The following TMEM184B variants were observed in gnomAD, a reference collection of about 807,000 sequenced individuals.
TMEM184B encodes transmembrane protein 184B, also known as putative MAPK-activating protein FM08.
A neutral mutation model predicts 41.8 loss-of-function variants in TMEM184B; 17 were observed. The observed-to-expected ratio is 0.41, with a 90% CI of 0.28 to 0.61. TMEM184B has a LOEUF of 0.61. Ranked by LOEUF, TMEM184B falls within the 20% of genes least tolerant of loss-of-function variation. The probability of loss-of-function intolerance (pLI) is 0.34; values close to 1 mark genes in which losing one functional copy is unlikely to be tolerated. For synonymous variants in TMEM184B, 240 were observed against 229.5 expected (o/e 1.05, Z -0.41); for missense variants, 393 against 557.8 (o/e 0.70, Z 2.98).
At position 38,221,279 on chromosome 22, in the gene TMEM184B, C is replaced by T. The variant is rs1200683131; in HGVS notation, c.*190G>A. The T allele has an allele frequency of 7.0e-7, 1 of 1,429,030 alleles. No homozygotes were observed. The highest frequency in any genetic ancestry group is 2.5e-5 in the East Asian group (1 of 39,542). 88.5% of individuals were successfully genotyped at this position (1,429,030 alleles called of 1,614,324 possible). On this transcript the variant is annotated 3_prime_UTR_variant, in exon 9 of 9. Coordinates refer to ENST00000361906, the MANE Select transcript of TMEM184B (RefSeq NM_012264.5). ...GCAGGCTGGGCCATGTATAAATATT[C>T]CTGAAGGCCCATGGGCGAGCCTGGC...
rs1381484424 is a variant in TMEM184B, at chr22:38,239,251, TA to T, written c.358+6683del. On this transcript the variant is annotated intron_variant, in intron 3 of 8. Coordinates refer to ENST00000361906, the MANE Select transcript of TMEM184B (RefSeq NM_012264.5). This position sits in a 1 kb window ranked among gnomAD's most constrained non-coding sequence, Gnocchi z 4.6. ...AGCCCTCGCAGATGGTACGTGGCAC[TA>T]AGCCCTCTTCCAAGACTCAGCCCTC... 6.6e-6 allele frequency among the ~76,000 whole-genome samples: 1 copy of T among 152,142 alleles called. No individual in the cohort carries two copies. Among genetic ancestry groups the T allele is most frequent in the African/African-American group, 2.4e-5 (1 of 41,422 alleles).
At chr22:38,258,428 G>C (rs897511501) in intron 1 of TMEM184B, among the ~76,000 whole-genome samples, 1 of 151,528 alleles carries the variant, frequency 6.6e-6, no homozygotes, top group African/African-American at 2.4e-5. Context: ...AGCCTTCCTA[G>C]TAGCTGGGAT....
At position 38,219,925 on chromosome 22, in the gene TMEM184B, AG is replaced by A. The variant is rs933963698; in HGVS notation, c.*1543del. On this transcript the variant is annotated 3_prime_UTR_variant, in exon 9 of 9. Coordinates refer to ENST00000361906, the MANE Select transcript of TMEM184B (RefSeq NM_012264.5). ...CTGCCACGAGGAAAGGAAGGAGGCC[AG>A]GAAGACGGCTGGGCCCCAACTCTCC... 18 of 985,308 alleles carry A rather than the reference AG, an allele frequency of 1.8e-5. No homozygotes were observed. Among genetic ancestry groups the A allele is most frequent in the Middle Eastern group, 5.2e-4 (1 of 1,916 alleles). 61.0% of individuals were successfully genotyped at this position (985,308 alleles called of 1,614,324 possible). A position where few individuals can be genotyped will look rare whatever the true frequency, so the allele number is the denominator to read the frequency against.
intron 1 of TMEM184B, among the ~76,000 whole-genome samples, chr22:38,258,302 T>G (rs967475926): frequency 1.5e-5 from 2 of 136,178 alleles, no homozygotes; most frequent in Non-Finnish European, 3.2e-5. Flanking sequence ...TTTTCCAAAT[T>G]TTTTTTTTTT....
intron 1 of TMEM184B, 25 bp downstream of exon 1, chr22:38,272,859 G>C (rs910669372): frequency 2.8e-5 from 27 of 950,838 alleles, no homozygotes; most frequent in Non-Finnish European, 3.4e-5. Context: ...TGGGGCTCCC[G>C]GGCGAGGCCG....
At chr22:38,272,650 G>A (rs1299695623) in intron 1 of TMEM184B, 3 of 985,438 alleles carry the variant, frequency 3.0e-6, no homozygotes, top group Non-Finnish European at 3.6e-6. Flanking sequence ...GCGTGGAAAG[G>A]GAGCGGGCAC....
chr22:38,238,266 C>T (rs1345379287), intron 3 of TMEM184B, among the ~76,000 whole-genome samples: 19 of 145,010 alleles, frequency 1.3e-4, no homozygotes, highest in African/African-American at 4.4e-4. Context: ...CTCTCGCTGT[C>T]GCAGGCCGGA....
chr22:38,232,515 C>T (rs1158696536), intron 3 of TMEM184B, among the ~76,000 whole-genome samples: 1 of 152,040 alleles, frequency 6.6e-6, no homozygotes, highest in Non-Finnish European at 1.5e-5. Context: ...AATGAAAGAA[C>T]GCAAGAGGAA....
At chr22:38,265,827 G>A (rs983910807) in intron 1 of TMEM184B, among the ~76,000 whole-genome samples, 3 of 152,200 alleles carry the variant, frequency 2.0e-5, no homozygotes, top group Non-Finnish European at 4.4e-5. Flanking sequence ...CTAGAGGTGG[G>A]GACCAGGAGG....
rs1472863975 is a variant in TMEM184B at position 38,230,664 on chromosome 22, C to T, written c.525+5G>A. On this transcript the variant is annotated splice_donor_5th_base_variant and intron_variant, in intron 5 of 8. Coordinates refer to ENST00000361906, the MANE Select transcript of TMEM184B (RefSeq NM_012264.5). Reference sequence around the variant, plus strand: ...CTGAGCTAGGCAGCTGCTGGGGGCACACACCTGTTTGCAGAACCTCAGAAA... The same window carrying T: ...CTGAGCTAGGCAGCTGCTGGGGGCATACACCTGTTTGCAGAACCTCAGAAA... 1 of 1,608,910 alleles carries T rather than the reference C, an allele frequency of 6.2e-7. No individual in the cohort carries two copies. The highest frequency in any genetic ancestry group is 1.3e-5 in the African/African-American group (1 of 74,996).
At chr22:38,258,809 AGAAGAACCTTT>A (rs1430658494) in intron 1 of TMEM184B, among the ~76,000 whole-genome samples, 1 of 152,178 alleles carries the variant, frequency 6.6e-6, no homozygotes, top group Non-Finnish European at 1.5e-5. Context: ...CTGCAGACTT[AGAAGAACCTTT>A]GGGATTTCTG....
intron 5 of TMEM184B, among the ~76,000 whole-genome samples, chr22:38,228,925 C>T (rs1043943080): frequency 2.6e-5 from 4 of 152,222 alleles, no homozygotes; most frequent in Admixed American, 2.0e-4. Flanking sequence ...CTGGCCGGAA[C>T]CTGGGTGGCT....
chr22:38,267,896 C>T (rs962905803), intron 1 of TMEM184B, among the ~76,000 whole-genome samples: 1 of 152,168 alleles, frequency 6.6e-6, no homozygotes, highest in Non-Finnish European at 1.5e-5. Context: ...AAGTCACCAA[C>T]CAGAAGCCAC....
intron 1 of TMEM184B, 143 bp downstream of exon 1, chr22:38,272,741 T>A: frequency 2.0e-6 from 2 of 985,116 alleles, no homozygotes; most frequent in Non-Finnish European, 2.4e-6. Flanking sequence ...CGCACCGGCC[T>A]CCGTAGTGCC....
At chr22:38,217,830 C>A (rs1462800182), downstream of TMEM184B, among the ~76,000 whole-genome samples, 101 of 87,762 alleles carry the variant, frequency 1.2e-3, no homozygotes, top group Middle Eastern at 5.9e-3. Flanking sequence ...GACTCCATCT[C>A]AAAAAAAAAA....
rs1185275661 is a variant in TMEM184B, at chr22:38,272,983, C to T, written c.-158G>A. 4.6e-6 allele frequency: 1 copy of T among 219,168 alleles called. No individual in the cohort carries two copies. Among genetic ancestry groups the T allele is most frequent in the Non-Finnish European group, 7.7e-6 (1 of 130,270 alleles). 13.6% of individuals were successfully genotyped at this position (219,168 alleles called of 1,614,324 possible). On this transcript the variant is annotated 5_prime_UTR_variant, in exon 1 of 9. Coordinates refer to ENST00000361906, the MANE Select transcript of TMEM184B (RefSeq NM_012264.5). ...GCCGCAGCCCCGGAGTCTCCGCCGC[C>T]GCCGGCGCGTCCCGGGCCCAGTGGA...
chr22:38,258,800 T>C (rs902434798), intron 1 of TMEM184B, among the ~76,000 whole-genome samples: 5 of 152,336 alleles, frequency 3.3e-5, no homozygotes, highest in African/African-American at 1.2e-4. Context: ...ATTAGTCTGC[T>C]GCAGACTTAG....
At chr22:38,272,744 G>A (rs1602523126) in intron 1 of TMEM184B, 140 bp downstream of exon 1, 5 of 985,306 alleles carry the variant, frequency 5.1e-6, no homozygotes, top group Non-Finnish European at 6.0e-6. Flanking sequence ...ACCGGCCTCC[G>A]TAGTGCCCTC....
chr22:38,248,866 T>C (rs2092099927), intron 1 of TMEM184B, among the ~76,000 whole-genome samples: 1 of 152,172 alleles, frequency 6.6e-6, no homozygotes, highest in East Asian at 1.9e-4. Flanking sequence ...TTCTTCGCCA[T>C]TTCTCCCCCT....
Sources: allele counts gnomAD v4.1 joint callset (sites outside exome capture counted in the v4.1 genomes callset), GRCh38; gene constraint gnomAD v4.1.1; non-coding constraint Gnocchi (gnomAD v3.1); transcripts MANE v1.5; gene names NCBI Gene and HGNC (gene_info 2026-07-23, HGNC 2026-07-21).